The following CCDC66 variants were observed in gnomAD, a reference collection of about 807,000 sequenced individuals.
The protein encoded by CCDC66 is coiled-coil domain containing 66.
CCDC66 carries 133 observed loss-of-function variants against 128.3 expected under a neutral mutation model. That is an observed-to-expected ratio of 1.04 (90% CI 0.90 to 1.20). The LOEUF is 1.20. Among genes scored for constraint, CCDC66 ranks in the 50% most tolerant of loss-of-function variants. The pLI, the probability that CCDC66 is intolerant of heterozygous loss-of-function variation, is 0.00. For synonymous variants in CCDC66, 387 were observed against 357.0 expected, an observed-to-expected ratio of 1.08 and a Z score of -0.95; for missense variants, 1,126 against 1,075.5, an observed-to-expected ratio of 1.05 and a Z score of -0.66.
rs1213228012 is a variant in CCDC66, at chr3:56,618,152, T to C, written c.2338-20T>C. 6.3e-7 allele frequency: 1 copy of C among 1,595,668 alleles called. No individual in the cohort carries two copies. Among genetic ancestry groups the C allele is most frequent in the African/African-American group, 1.3e-5 (1 of 74,436 alleles). On this transcript the variant is annotated intron_variant, in intron 14 of 17. Coordinates refer to ENST00000394672, the MANE Select transcript of CCDC66 (RefSeq NM_001141947.3). ...AAGATGCTATATATTCCTTTCTGCA[T>C]TTATCTATCCATATTTTAGGAAGAA...
At chr3:56,573,302 C>T (rs977684406) in intron 7 of CCDC66, among the ~76,000 whole-genome samples, 1 of 152,042 alleles carries the variant, frequency 6.6e-6, no homozygotes, top group African/African-American at 2.4e-5. Flanking sequence ...AATGACGAGG[C>T]TCATGAATTT....
At chr3:56,597,826 G>T (rs1222029784) in intron 10 of CCDC66, among the ~76,000 whole-genome samples, 1 of 127,706 alleles carries the variant, frequency 7.8e-6, no homozygotes, top group Non-Finnish European at 1.6e-5. Flanking sequence ...CTAGGCTGGA[G>T]TGCAGTGGCG....
intron 3 of CCDC66, among the ~76,000 whole-genome samples, chr3:56,559,995 A>G (rs188932497): frequency 1.5e-3 from 228 of 152,310 alleles, no homozygotes; most frequent in African/African-American, 2.4e-3. Flanking sequence ...GTACTGGACA[A>G]TGCACTCCAG....
rs770432647 is a variant in CCDC66, at chr3:56,567,024, CA to C, written c.792del (p.Ala265ProfsTer7). 7 of 1,612,708 alleles carry C rather than the reference CA, an allele frequency of 4.3e-6. 1 individual carries two copies. In the South Asian group the frequency reaches 7.7e-5, roughly 18 times the overall value. ...ERECDRSSLE[A>X]KKAQWRKELD... is the part of the protein sequence containing the mutation. ...GAATGTGATAGAAGTTCGTTGGAAG[CA>C]AAAAAAGCCCAGTGGAGGAAAGAGC... On this transcript the variant is annotated frameshift_variant, in exon 6 of 18. Transcript: ENST00000394672. LOFTEE classifies it high-confidence loss of function.
At chr3:56,559,829 G>A (rs2064869505) in intron 3 of CCDC66, among the ~76,000 whole-genome samples, 1 of 152,184 alleles carries the variant, frequency 6.6e-6, no homozygotes, top group East Asian at 1.9e-4. Flanking sequence ...AAGCATCTGT[G>A]TTAATGGAAG....
chr3:56,612,067 A>G (rs2074911071), intron 10 of CCDC66, among the ~76,000 whole-genome samples: 1 of 152,206 alleles, frequency 6.6e-6, no homozygotes, highest in Admixed American at 6.5e-5. Context: ...CTGGAGCTGC[A>G]ATCTAGTCCT....
In CCDC66 at chr3:56,571,282, C is replaced by G; in HGVS notation, c.916C>G (p.Gln306Glu). Reference sequence around the variant, plus strand: ...TGATAAAATAATATGGGAAAAACATCAAATTCTTGACCAATCTAGGGTAAG... The same window carrying G: ...TGATAAAATAATATGGGAAAAACATGAAATTCTTGACCAATCTAGGGTAAG... ...ESDKIIWEKH[Q>E]ILDQSRETVL... is the part of the protein sequence containing the mutation. Residue 306 changes from glutamine (Q) to glutamate (E), a missense_variant, in exon 7 of 18, where the codon CAA becomes GAA. Gln to Glu is a conservative substitution (Grantham distance 29, BLOSUM62 2). Transcript: ENST00000394672. 1.3e-6 allele frequency: 2 copies of G among 1,534,848 alleles called. No individual in the cohort carries two copies. Among genetic ancestry groups the G allele is most frequent in the South Asian group, 2.4e-5 (2 of 84,408 alleles).
At position 56,579,972 on chromosome 3, in the gene CCDC66, TTC is replaced by T. The variant is rs1182154429; in HGVS notation, c.936+8672_936+8673del. On this transcript the variant is annotated intron_variant, in intron 7 of 17. Transcript: ENST00000394672. ...CAATTCCTCGATATCCTTGTTAACT[TTC>T]TGTCTCGTTGATCTGTCTAATGTTG... 2.0e-5 allele frequency among the ~76,000 whole-genome samples: 3 copies of T among 151,844 alleles called. No individual in the cohort carries two copies. In the East Asian group the frequency reaches 5.9e-4, roughly 30 times the overall value.
chr3:56,559,041 A>G (rs1323455037), intron 2 of CCDC66, 131 bp downstream of exon 2: 12 of 673,028 alleles, frequency 1.8e-5, no homozygotes, highest in Non-Finnish European at 4.9e-6. Context: ...TGTTTCCTCA[A>G]ACTTCTGCAG....
chr3:56,599,092 A>G lies in CCDC66; in HGVS notation c.1404+5064A>G, dbSNP rs528465924. Among the ~76,000 whole-genome samples the G allele has an allele frequency of 2.9e-3, 440 of 152,044 alleles. 13 individuals carry two copies. Among genetic ancestry groups the G allele is most frequent in the African/African-American group, 0.01 (426 of 41,414 alleles). On this transcript the variant is annotated intron_variant, in intron 10 of 17. Transcript: ENST00000394672. ...ACTTTTTTATTACCAATTCAGTCTT[A>G]TTACTCATTACTGGTCTGTTCAGGT...
rs765164576 is a variant in CCDC66 at position 56,563,775 on chromosome 3, A to G, written c.194A>G (p.Glu65Gly). 6.4e-6 allele frequency: 10 copies of G among 1,551,790 alleles called. No homozygotes were observed. The highest frequency in any genetic ancestry group is 6.1e-6 in the Non-Finnish European group (7 of 1,146,996). Residue 65 changes from glutamate (E) to glycine (G), a missense_variant, in exon 4 of 18, where the codon GAA (glutamate) becomes GGA (glycine). Physicochemically the swap from Glu to Gly is moderately conservative, Grantham distance 98. Transcript: ENST00000394672. The part of the protein sequence containing the change: ...KSTQDTCIGS[E>G]KLLQKKPVGS... ...ACACAAGATACTTGTATTGGGAGTG[A>G]AAAACTTTTGCAAAAGAAGCCAGTT...
intron 10 of CCDC66, among the ~76,000 whole-genome samples, chr3:56,608,981 A>G (rs1445304322): frequency 6.6e-6 from 1 of 152,016 alleles, no homozygotes; most frequent in Non-Finnish European, 1.5e-5. Flanking sequence ...GCTTGATATA[A>G]TTTCAGTTTT....
intron 10 of CCDC66, among the ~76,000 whole-genome samples, chr3:56,606,610 C>T (rs1393319569): frequency 1.3e-5 from 2 of 151,984 alleles, no homozygotes; most frequent in African/African-American, 2.4e-5. Context: ...GTGGGCTGCA[C>T]CCACTGTCCA....
In CCDC66 at chr3:56,585,062, G is replaced by C. The variant is rs372562732; in HGVS notation, c.937-7908G>C. Among the ~76,000 whole-genome samples the C allele has an allele frequency of 3.3e-5, 5 of 150,690 alleles. No homozygotes were observed. The East Asian group carries it at 8.0e-4, about 24-fold the overall frequency. ...CAGCAGTACAGTCCAGCTTCGGCTCGGCATCAGAGGGAGACAGTGGAAAGA... is the reference window on the plus strand; with the variant it reads ...CAGCAGTACAGTCCAGCTTCGGCTCCGCATCAGAGGGAGACAGTGGAAAGA... On this transcript the variant is annotated intron_variant, in intron 7 of 17. Transcript: ENST00000394672.
intron 13 of CCDC66, 83 bp from the exon 14 acceptor site, chr3:56,617,029 A>G: frequency 8.8e-7 from 1 of 1,132,512 alleles, no homozygotes; most frequent in Non-Finnish European, 1.2e-6. Flanking sequence ...GAGGGCAATA[A>G]TTGTTTAATG....
chr3:56,621,488 G>T, intron 17 of CCDC66, 44 bp from the exon 18 acceptor site: 1 of 1,180,620 alleles, frequency 8.5e-7, no homozygotes. Context: ...TTGCAAGTCA[G>T]GTGTGCACAT....
chr3:56,571,503 T>G, intron 7 of CCDC66: 3 of 374,000 alleles, frequency 8.0e-6, no homozygotes. Context: ...TGCCTCAGCC[T>G]CCCGAGTAGC....
At chr3:56,561,960 C>G (rs2065159216) in intron 3 of CCDC66, among the ~76,000 whole-genome samples, 1 of 151,964 alleles carries the variant, frequency 6.6e-6, no homozygotes, top group Non-Finnish European at 1.5e-5. Flanking sequence ...CAGCTGAACT[C>G]TATCTCATTA....
chr3:56,585,689 A>G (rs1385342082), intron 7 of CCDC66, among the ~76,000 whole-genome samples: 1 of 151,910 alleles, frequency 6.6e-6, no homozygotes, highest in Non-Finnish European at 1.5e-5. Flanking sequence ...CTCTGTATAT[A>G]GTATAGCAAT....
Sources: allele counts gnomAD v4.1 joint callset (sites outside exome capture counted in the v4.1 genomes callset), GRCh38; gene constraint gnomAD v4.1.1; transcripts MANE v1.5; gene names NCBI Gene and HGNC (gene_info 2026-07-23, HGNC 2026-07-21).